DR1: variants seen among roughly 807,000 people sequenced by gnomAD.
The protein encoded by DR1 is protein Dr1.
Under a neutral mutation model 19.9 loss-of-function variants are expected in DR1, and 7 were observed. The observed-to-expected ratio is 0.35, with a 90% CI of 0.20 to 0.66. The LOEUF (loss-of-function observed/expected upper bound fraction) is 0.66, where lower values mean the gene tolerates loss of function less well. Ranked by LOEUF, DR1 falls within the 30% of genes least tolerant of loss-of-function variation. DR1 has a pLI of 0.66. For missense variants in DR1, 98 were observed against 203.7 expected, an observed-to-expected ratio of 0.48 and a Z score of 3.16; for synonymous variants, 76 against 72.5, an observed-to-expected ratio of 1.05 and a Z score of -0.24.
In DR1 at chr1:93,368,965, AAAC is replaced by A. The variant is rs1246849618; in HGVS notation, c.*8329_*8331del. On this transcript the variant is annotated 3_prime_UTR_variant, in exon 3 of 3. Transcript: ENST00000370272. ...GATGGATTGAAAACATTTGGGGAAA[AAAC>A]AAAAAATAACCCAACAATGAAATAG... The A allele has an allele frequency of 1.3e-5, 2 of 152,160 alleles. No homozygotes were observed. The highest frequency in any genetic ancestry group is 4.8e-5 in the African/African-American group (2 of 41,450). 9.4% of individuals were successfully genotyped at this position (152,160 alleles called of 1,614,324 possible).
chr1:93,359,504 C>T (rs1420930072), intron 2 of DR1, among the ~76,000 whole-genome samples: 3 of 152,036 alleles, frequency 2.0e-5, no homozygotes, highest in Non-Finnish European at 4.4e-5. Context: ...GAAAGACTAG[C>T]TGATTTGCAT....
chr1:93,356,711 T>A (rs1002822939), intron 2 of DR1, among the ~76,000 whole-genome samples: 1 of 145,452 alleles, frequency 6.9e-6, no homozygotes, highest in Non-Finnish European at 1.5e-5. Context: ...AATTTTCTTA[T>A]GAACTCTTAC....
chr1:93,364,001 T>G lies in DR1; in HGVS notation c.*3362T>G, dbSNP rs1258070153. On this transcript the variant is annotated 3_prime_UTR_variant, in exon 3 of 3. Transcript: ENST00000370272. Reference sequence around the variant, plus strand: ...GGTGAGTGTATACATTTCCATTGAGTATAAACCTAAGAATGGAATTGCCAG... The same window carrying G: ...GGTGAGTGTATACATTTCCATTGAGGATAAACCTAAGAATGGAATTGCCAG... 1 of 152,216 alleles carries G rather than the reference T, an allele frequency of 6.6e-6. No individual in the cohort carries two copies. The highest frequency in any genetic ancestry group is 1.9e-4 in the East Asian group (1 of 5,206). The allele number at this position is 152,216 out of a possible 1,614,324, so 9.4% of individuals were successfully genotyped here. A position where few individuals can be genotyped will look rare whatever the true frequency, so the allele number is the denominator to read the frequency against.
intron 2 of DR1, chr1:93,355,901 A>G (rs552632573): frequency 6.6e-6 from 1 of 152,202 alleles, no homozygotes; most frequent in African/African-American, 2.4e-5. Context: ...GACTTTAAAT[A>G]TTAACACAAT....
chr1:93,352,608 C>T (rs991710526), intron 1 of DR1, among the ~76,000 whole-genome samples: 12 of 152,158 alleles, frequency 7.9e-5, no homozygotes, highest in African/African-American at 2.9e-4. Flanking sequence ...GTGTTTTTGG[C>T]ATTCTCCCAG....
In DR1 at chr1:93,346,284, C is replaced by G. The variant is rs1351682674; in HGVS notation, c.-362C>G. On this transcript the variant is annotated 5_prime_UTR_variant, in exon 1 of 3. Transcript: ENST00000370272. ...AGGCCAGTGCCCCTGGATCTTGCCTCTGCTCCGACGCCGTTGGGGACCAGT... is the reference window on the plus strand; with the variant it reads ...AGGCCAGTGCCCCTGGATCTTGCCTGTGCTCCGACGCCGTTGGGGACCAGT... 1 of 310,944 alleles carries G rather than the reference C, an allele frequency of 3.2e-6. No individual in the cohort carries two copies. The highest frequency in any genetic ancestry group is 6.2e-6 in the Non-Finnish European group (1 of 160,478). 19.3% of individuals were successfully genotyped at this position (310,944 alleles called of 1,614,324 possible). A position where few individuals can be genotyped will look rare whatever the true frequency, so the allele number is the denominator to read the frequency against.
In DR1 at chr1:93,345,951, C is replaced by G. The variant is rs572726349; in HGVS notation, c.-695C>G. On this transcript the variant is annotated 5_prime_UTR_variant, in exon 1 of 3. It adds an upstream start codon to the 5' untranslated region. Coordinates refer to ENST00000370272, the MANE Select transcript of DR1 (RefSeq NM_001938.3). ...GCTTCCTGCAAACCTTCCCTGGCAT[C>G]TGGAGGGACCACCGTTGCCGCGTCT... 39 of 153,572 alleles carry G rather than the reference C, an allele frequency of 2.5e-4. No individual in the cohort carries two copies. The highest frequency in any genetic ancestry group is 4.6e-4 in the Admixed American group (7 of 15,306). 9.5% of individuals were successfully genotyped at this position (153,572 alleles called of 1,614,324 possible).
At position 93,360,483 on chromosome 1, in the gene DR1, G is replaced by T; in HGVS notation, c.385-10G>T. ...AAATTGTTATTTTTTTTTATGTTTTGGGTGTTTAGGCTAGACAGCAACAAG... is the reference window on the plus strand; with the variant it reads ...AAATTGTTATTTTTTTTTATGTTTTTGGTGTTTAGGCTAGACAGCAACAAG... On this transcript the variant is annotated splice_polypyrimidine_tract_variant and intron_variant, in intron 2 of 2. Transcript: ENST00000370272. 2 of 1,548,114 alleles carry T rather than the reference G, an allele frequency of 1.3e-6. No homozygotes were observed. Among genetic ancestry groups the T allele is most frequent in the Admixed American group, 2.3e-5 (1 of 42,726 alleles).
chr1:93,354,780 C>G (rs1257133393), intron 2 of DR1, among the ~76,000 whole-genome samples: 1 of 152,138 alleles, frequency 6.6e-6, no homozygotes, highest in Non-Finnish European at 1.5e-5. Context: ...AGTCCTGTAG[C>G]TGATCTCTCT....
rs1469325614 is a variant in DR1, at chr1:93,346,684, C to G, written c.39C>G (p.Ile13Met). Reference sequence around the variant, plus strand: ...CTGGCAACGATGATGATCTCACTATCCCCAGAGCTGCTATCAATAAAATGA... The same window carrying G: ...CTGGCAACGATGATGATCTCACTATGCCCAGAGCTGCTATCAATAAAATGA... ...SSSGNDDDLT[I>M]PRAAINKMIK... The change falls in exon 1 of 3, where the codon ATC becomes ATG. Residue 13 changes from isoleucine (I) to methionine (M), a missense_variant. Ile to Met is a conservative substitution (Grantham distance 10). Transcript: ENST00000370272. 1 of 1,614,064 alleles carries G rather than the reference C, an allele frequency of 6.2e-7. No individual in the cohort carries two copies.
rs1262653176 is a variant in DR1, at chr1:93,364,712, A to G, written c.*4073A>G. 1 of 151,990 alleles carries G rather than the reference A, an allele frequency of 6.6e-6. No individual in the cohort carries two copies. Among genetic ancestry groups the G allele is most frequent in the Non-Finnish European group, 1.5e-5 (1 of 68,030 alleles). The allele number at this position is 151,990 out of a possible 1,614,324, so 9.4% of individuals were successfully genotyped here. ...TAAGTAGCCTCCTTTCACCTAAAGT[A>G]TTACCACTGGTTCTTATCCTATTTC... is the stretch of plus-strand genomic sequence containing the variant. On this transcript the variant is annotated 3_prime_UTR_variant, in exon 3 of 3. Coordinates refer to ENST00000370272, the MANE Select transcript of DR1 (RefSeq NM_001938.3).
chr1:93,360,103 A>AG (rs1349378658), intron 2 of DR1, among the ~76,000 whole-genome samples: 2 of 152,184 alleles, frequency 1.3e-5, no homozygotes, highest in East Asian at 3.9e-4. Flanking sequence ...TTGTAATATG[A>AG]GGGTACAGAA....
chr1:93,355,951 A>C (rs1338418863), intron 2 of DR1, among the ~76,000 whole-genome samples: 2 of 152,228 alleles, frequency 1.3e-5, no homozygotes, highest in African/African-American at 2.4e-5. Context: ...ATTTGGAAGG[A>C]GGGAACCTTT....
Position 93,346,209 on chromosome 1 carries a change from T to C in DR1, c.-437T>C. 1 of 195,554 alleles carries C rather than the reference T, an allele frequency of 5.1e-6. No homozygotes were observed. The highest frequency in any genetic ancestry group is 7.3e-5 in the South Asian group (1 of 13,708). 12.1% of individuals were successfully genotyped at this position (195,554 alleles called of 1,614,324 possible). On this transcript the variant is annotated 5_prime_UTR_variant, in exon 1 of 3. Coordinates refer to ENST00000370272, the MANE Select transcript of DR1 (RefSeq NM_001938.3). ...CGGCGGCGGCAGCGGCAGCGGGGCCTCGGGCTCTATAGAGCCGAGCCCGCT... is the reference window on the plus strand; with the variant it reads ...CGGCGGCGGCAGCGGCAGCGGGGCCCCGGGCTCTATAGAGCCGAGCCCGCT...
rs982681791 is a variant in DR1 at position 93,346,930 on chromosome 1, C to G, written c.220+65C>G. On this transcript the variant is annotated intron_variant, in intron 1 of 2. Coordinates refer to ENST00000370272, the MANE Select transcript of DR1 (RefSeq NM_001938.3). ...GGTAGCAGTCTGCTAATCGCGTGAC[C>G]CTTTCGTGTCAAAGCCTCCATTCCT... 143 of 1,392,994 alleles carry G rather than the reference C, an allele frequency of 1.0e-4. 1 individual carries two copies. The highest frequency in any genetic ancestry group is 7.1e-5 in the African/African-American group (5 of 69,966). 86.3% of individuals were successfully genotyped at this position (1,392,994 alleles called of 1,614,324 possible).
chr1:93,357,510 C>T (rs1667002848), intron 2 of DR1, among the ~76,000 whole-genome samples: 1 of 82,998 alleles, frequency 1.2e-5, no homozygotes, highest in Admixed American at 1.5e-4. Flanking sequence ...TAGCAAGACC[C>T]CATCTCTAAA....
At chr1:93,353,572 A>G (rs1259734573) in intron 1 of DR1, among the ~76,000 whole-genome samples, 1 of 152,202 alleles carries the variant, frequency 6.6e-6, no homozygotes, top group Admixed American at 6.5e-5. Context: ...GTTTTTTCTT[A>G]CTAAAACCAT....
At chr1:93,360,141 G>A (rs72961322) in intron 2 of DR1, among the ~76,000 whole-genome samples, 13,236 of 152,120 alleles carry the variant, frequency 0.087, 1,907 homozygotes, top group African/African-American at 0.3. Context: ...AGGAAAAGAA[G>A]AGGGAAAGAG....
intron 1 of DR1, among the ~76,000 whole-genome samples, 178 bp downstream of exon 1, chr1:93,347,043 A>T (rs1359621495): frequency 1.3e-5 from 2 of 152,218 alleles, no homozygotes; most frequent in Admixed American, 1.3e-4. Context: ...GCATTTTTGC[A>T]GTACTTTTCA....
Sources: allele counts gnomAD v4.1 joint callset (sites outside exome capture counted in the v4.1 genomes callset), GRCh38; gene constraint gnomAD v4.1.1; transcripts MANE v1.5; gene names NCBI Gene and HGNC (gene_info 2026-07-23, HGNC 2026-07-21).